PCDH9: variants seen among roughly 807,000 people sequenced by gnomAD.
PCDH9 encodes protocadherin 9, also known as protocadherin-9.
Under a neutral mutation model 70.6 loss-of-function variants are expected in PCDH9, and 24 were observed. That is an observed-to-expected ratio of 0.34 (90% CI 0.25 to 0.48). The LOEUF is 0.48. Ranked by LOEUF, PCDH9 falls within the 20% of genes least tolerant of loss-of-function variation. The probability of loss-of-function intolerance (pLI) is 0.99; values close to 1 mark genes in which losing one functional copy is unlikely to be tolerated. For missense variants in PCDH9, 1,281 were observed against 1,503.6 expected (o/e 0.85, Z 2.45); for synonymous variants, 562 against 558.5 (o/e 1.01, Z -0.09).
chr13:67,033,377 A>G (rs2084945214), intron 2 of PCDH9, among the ~76,000 whole-genome samples: 1 of 152,210 alleles, frequency 6.6e-6, no homozygotes. Context: ...TTGTAAAGTG[A>G]AAGAGAAGCT....
chr13:66,426,375 A>G (rs1957670602), intron 4 of PCDH9, among the ~76,000 whole-genome samples: 3 of 151,666 alleles, frequency 2.0e-5, no homozygotes, highest in African/African-American at 7.2e-5. Flanking sequence ...TCTAGAGAGG[A>G]AATCTTCAGT....
At chr13:66,785,843 CAA>C (rs1321930170) in intron 3 of PCDH9, among the ~76,000 whole-genome samples, 2 of 124,160 alleles carry the variant, frequency 1.6e-5, no homozygotes, top group African/African-American at 3.0e-5. Flanking sequence ...TGGGTTTTTC[CAA>C]AAAAAAAAAA....
intron 2 of PCDH9, among the ~76,000 whole-genome samples, chr13:67,172,613 C>G (rs1387486227): frequency 6.6e-6 from 1 of 151,994 alleles, no homozygotes; most frequent in African/African-American, 2.4e-5. Context: ...CAAGGTGGCT[C>G]ATGCCTGTAA....
intron 3 of PCDH9, among the ~76,000 whole-genome samples, chr13:66,823,261 T>A (rs1304110693): frequency 1.3e-5 from 2 of 151,970 alleles, no homozygotes; most frequent in South Asian, 2.1e-4. Context: ...TAGCTGTCCA[T>A]AAATATTAAA....
At chr13:66,778,145 G>C in intron 3 of PCDH9, among the ~76,000 whole-genome samples, 1 of 129,956 alleles carries the variant, frequency 7.7e-6, no homozygotes. Context: ...GGTGGGGGGA[G>C]GGGGGAGGTA....
At chr13:66,756,669 TG>T (rs1200127559) in intron 3 of PCDH9, among the ~76,000 whole-genome samples, 1 of 152,084 alleles carries the variant, frequency 6.6e-6, no homozygotes, top group African/African-American at 2.4e-5. Flanking sequence ...AAAACATGCT[TG>T]TGTCATTGAC....
intron 2 of PCDH9, among the ~76,000 whole-genome samples, chr13:66,954,802 C>T (rs1216222417): frequency 6.6e-6 from 1 of 152,216 alleles, no homozygotes; most frequent in East Asian, 1.9e-4. Context: ...CTCGCTCTGT[C>T]ACCCAGGCTG....
At chr13:67,069,925 G>A (rs2085726899) in intron 2 of PCDH9, among the ~76,000 whole-genome samples, 1 of 151,572 alleles carries the variant, frequency 6.6e-6, no homozygotes, top group South Asian at 2.1e-4. Flanking sequence ...GTCACATCAA[G>A]GAAAAGACTA....
rs2079840511 is a variant in PCDH9, at chr13:66,773,423, T to C, written c.3138+130081A>G. The stretch of plus-strand genomic sequence containing the variant: ...GCGGGTGGATCGCGAGGTCAGGAGA[T>C]AGAAACCATCCTGGCTAATACAGTG... On this transcript the variant is annotated intron_variant, in intron 3 of 4. Coordinates refer to ENST00000377865, the MANE Select transcript of PCDH9 (RefSeq NM_203487.3). Among the ~76,000 whole-genome samples, 3 of 151,720 alleles carry C rather than the reference T, an allele frequency of 2.0e-5. No individual in the cohort carries two copies. The South Asian group carries it at 6.2e-4, about 32-fold the overall frequency.
At chr13:66,538,590 G>A (rs1278881499) in intron 4 of PCDH9, among the ~76,000 whole-genome samples, 1 of 151,790 alleles carries the variant, frequency 6.6e-6, no homozygotes, top group Non-Finnish European at 1.5e-5. Flanking sequence ...AAGGAAGTGT[G>A]TTGGCAGAAT....
chr13:66,720,781 T>A (rs1388469190), intron 3 of PCDH9, among the ~76,000 whole-genome samples: 1 of 152,094 alleles, frequency 6.6e-6, no homozygotes, highest in Non-Finnish European at 1.5e-5. Flanking sequence ...TAGCAATAAA[T>A]TCTGCCACAC....
At position 67,180,160 on chromosome 13, in the gene PCDH9, T is replaced by C. The variant is rs1403886337; in HGVS notation, c.3036+45245A>G. ...TTAAGTGTGATATACTGAGATGCTT[T>C]TCAACTATCTGTAATATATCCTAGA... On this transcript the variant is annotated intron_variant, in intron 2 of 4. Transcript: ENST00000377865. 2.6e-5 allele frequency among the ~76,000 whole-genome samples: 4 copies of C among 152,168 alleles called. No homozygotes were observed. The East Asian group carries it at 7.7e-4, about 29-fold the overall frequency.
intron 3 of PCDH9, among the ~76,000 whole-genome samples, chr13:66,710,542 A>G (rs2078778542): frequency 1.3e-5 from 2 of 152,200 alleles, no homozygotes; most frequent in South Asian, 4.1e-4. Flanking sequence ...ACTTCTAGAA[A>G]TGGGTATCAA....
chr13:66,733,945 G>A (rs1194435333), intron 3 of PCDH9, among the ~76,000 whole-genome samples: 2 of 152,124 alleles, frequency 1.3e-5, no homozygotes, highest in East Asian at 3.9e-4. Context: ...TTGCCCCGGA[G>A]AGGTCTGGCC....
At chr13:67,179,970 G>A (rs559145287) in intron 2 of PCDH9, among the ~76,000 whole-genome samples, 2 of 152,176 alleles carry the variant, frequency 1.3e-5, no homozygotes, top group South Asian at 4.1e-4. Flanking sequence ...GGTACCCAAG[G>A]TAACTCCAAC....
chr13:66,605,838 C>A (rs371968170), intron 4 of PCDH9, among the ~76,000 whole-genome samples: 1 of 152,006 alleles, frequency 6.6e-6, no homozygotes, highest in Admixed American at 6.6e-5. Context: ...AGACTTCATA[C>A]ACCATGTGCT....
At chr13:67,191,681 A>G (rs2088918297) in intron 2 of PCDH9, among the ~76,000 whole-genome samples, 1 of 152,038 alleles carries the variant, frequency 6.6e-6, no homozygotes. Flanking sequence ...TGGTCAAGCC[A>G]TTATCACCCC....
chr13:66,940,738 A>G (rs1266132052), intron 2 of PCDH9, among the ~76,000 whole-genome samples: 1 of 133,556 alleles, frequency 7.5e-6, no homozygotes, highest in Non-Finnish European at 1.6e-5. Flanking sequence ...ACATTATATG[A>G]GAGTAAAAAT....
chr13:67,228,435 G>A lies in PCDH9; in HGVS notation c.6C>T (p.Asp2=). 1.9e-6 allele frequency: 3 copies of A among 1,563,422 alleles called. No homozygotes were observed. Among genetic ancestry groups the A allele is most frequent in the Non-Finnish European group, 2.6e-6 (3 of 1,157,898 alleles). Reference sequence around the variant, plus strand: ...CAGCCAACAGGTAAAAATCCCTCAGGTCCATGATAATGTATTTATTTTCTT... The same window carrying A: ...CAGCCAACAGGTAAAAATCCCTCAGATCCATGATAATGTATTTATTTTCTT... The part of the protein sequence containing the change: M[D]LRDFYLLAAL... Residue 2 remains aspartate (D), a synonymous_variant, in exon 2 of 5, where the codon GAC becomes GAT. Coordinates refer to ENST00000377865, the MANE Select transcript of PCDH9 (RefSeq NM_203487.3).
Sources: gnomAD v4.1 joint callset for allele counts (sites outside exome capture counted in the v4.1 genomes callset) on GRCh38, gnomAD v4.1.1 for gene constraint, MANE v1.5 for transcripts, NCBI Gene and HGNC (gene_info 2026-07-23, HGNC 2026-07-21) for gene names.